ADARB2: variants seen among roughly 807,000 people sequenced by gnomAD.
ADARB2 encodes adenosine deaminase RNA specific B2 (inactive).
In ADARB2, 25 loss-of-function variants were observed where a neutral mutation model predicts 62.2. The ratio of observed to expected loss-of-function variants is 0.40; its 90% CI spans 0.29 to 0.56. ADARB2 has a LOEUF of 0.56. Ranked by LOEUF, ADARB2 falls within the 20% of genes least tolerant of loss-of-function variation. The pLI is 0.43. For missense variants in ADARB2, 1,071 were observed against 1,077.4 expected (o/e 0.99, Z 0.08); for synonymous variants, 572 against 500.8 (o/e 1.14, Z -1.90).
intron 1 of ADARB2, among the ~76,000 whole-genome samples, chr10:1,619,094 G>C (rs1046548374): frequency 3.9e-5 from 6 of 152,164 alleles, no homozygotes; most frequent in African/African-American, 1.4e-4. Flanking sequence ...GATTGAGAAG[G>C]CGAGAGACAT....
intron 1 of ADARB2, among the ~76,000 whole-genome samples, chr10:1,577,945 A>C (rs912086255): frequency 5.9e-5 from 9 of 152,190 alleles, no homozygotes; most frequent in African/African-American, 2.2e-4. Flanking sequence ...GGACACAGGG[A>C]GAAGACAGTG....
chr10:1,209,513 A>G lies in ADARB2; in HGVS notation c.1682+7438T>C, dbSNP rs796606906. 5.4e-3 allele frequency among the ~76,000 whole-genome samples: 626 copies of G among 116,894 alleles called. 3 individuals are homozygous for G. The highest frequency in any genetic ancestry group is 0.018 in the African/African-American group (566 of 31,892). 76.7% of individuals were successfully genotyped at this position (116,894 alleles called of 152,430 possible). ...CACTGTCGCCCATGCCTACACTGTC[A>G]CCCATGCCCACACCTACAGCCTCGC... On this transcript the variant is annotated intron_variant, in intron 7 of 9. Coordinates refer to ENST00000381312, the MANE Select transcript of ADARB2 (RefSeq NM_018702.4).
At chr10:1,355,828 A>G (rs1263387166) in intron 3 of ADARB2, among the ~76,000 whole-genome samples, 1 of 152,252 alleles carries the variant, frequency 6.6e-6, no homozygotes, top group Non-Finnish European at 1.5e-5. Context: ...TTGCATGTAC[A>G]TTGCATAATG....
chr10:1,193,719 T>C (rs1836871855), intron 8 of ADARB2, among the ~76,000 whole-genome samples: 1 of 152,246 alleles, frequency 6.6e-6, no homozygotes, highest in African/African-American at 2.4e-5. Context: ...TTTTTCTTGA[T>C]ATCAGATCGT....
chr10:1,310,937 A>G (rs1831684239), intron 3 of ADARB2, among the ~76,000 whole-genome samples: 1 of 152,240 alleles, frequency 6.6e-6, no homozygotes, highest in Admixed American at 6.5e-5. Context: ...TTTCAACTTA[A>G]TAGCTAAAAT....
chr10:1,653,457 A>T (rs755641264), intron 1 of ADARB2, among the ~76,000 whole-genome samples: 22 of 140,924 alleles, frequency 1.6e-4, no homozygotes, highest in Admixed American at 5.1e-4. Flanking sequence ...GGGCCCAGGA[A>T]TGTGCCCACT....
At chr10:1,513,182 C>T (rs1230775751) in intron 1 of ADARB2, among the ~76,000 whole-genome samples, 1 of 152,162 alleles carries the variant, frequency 6.6e-6, no homozygotes, top group Admixed American at 6.5e-5. Context: ...GTGTTGTACA[C>T]CTTAGATATA....
chr10:1,501,031 C>G (rs542790218), intron 1 of ADARB2, among the ~76,000 whole-genome samples: 1 of 152,252 alleles, frequency 6.6e-6, no homozygotes, highest in African/African-American at 2.4e-5. Context: ...TGCACCACCA[C>G]GCCCAGCTAA....
Position 1,712,415 on chromosome 10 carries a change from T to C in ADARB2, c.100+24636A>G, listed in dbSNP as rs191309318. Among the ~76,000 whole-genome samples, 392 of 152,242 alleles carry C rather than the reference T, an allele frequency of 2.6e-3. 1 individual carries two copies. The highest frequency in any genetic ancestry group is 6.8e-3 in the Middle Eastern group (2 of 294). On this transcript the variant is annotated intron_variant, in intron 1 of 9. Transcript: ENST00000381312. Reference sequence around the variant, plus strand: ...CAAAGGTAAGAAGTTATGAGGTGTATTGCAGAATATACTGCTTTTTTTTTT... The same window carrying C: ...CAAAGGTAAGAAGTTATGAGGTGTACTGCAGAATATACTGCTTTTTTTTTT...
chr10:1,727,778 AGAAGCTCAG>A (rs1175960901), intron 1 of ADARB2, among the ~76,000 whole-genome samples: 1 of 152,198 alleles, frequency 6.6e-6, no homozygotes, highest in Non-Finnish European at 1.5e-5. Context: ...CATAAACAAT[AGAAGCTCAG>A]GAGGAAGGGC....
intron 1 of ADARB2, among the ~76,000 whole-genome samples, chr10:1,437,579 A>G (rs1409390486): frequency 6.6e-6 from 1 of 152,122 alleles, no homozygotes; most frequent in Non-Finnish European, 1.5e-5. Context: ...GCCCTAAGAG[A>G]GTTGAGTGAC....
chr10:1,689,402 C>A (rs1834639928), intron 1 of ADARB2, among the ~76,000 whole-genome samples: 1 of 152,166 alleles, frequency 6.6e-6, no homozygotes, highest in Non-Finnish European at 1.5e-5. Context: ...CTTGGTCCTG[C>A]CAACCTGACT....
intron 5 of ADARB2, among the ~76,000 whole-genome samples, chr10:1,235,095 C>T (rs1179771336): frequency 6.6e-6 from 1 of 152,012 alleles, no homozygotes; most frequent in Non-Finnish European, 1.5e-5. Context: ...TGTTCGCCCA[C>T]ATCTATCTGT....
intron 4 of ADARB2, among the ~76,000 whole-genome samples, chr10:1,242,755 T>A (rs1379317027): frequency 6.6e-6 from 1 of 152,096 alleles, no homozygotes; most frequent in East Asian, 1.9e-4. Context: ...GATGAACCCT[T>A]CACCCTAACA....
intron 3 of ADARB2, among the ~76,000 whole-genome samples, chr10:1,337,134 A>G (rs1351562907): frequency 6.6e-6 from 1 of 151,722 alleles, no homozygotes; most frequent in Admixed American, 6.6e-5. Flanking sequence ...AAGGTCACTT[A>G]ATTACTAGGG....
intron 6 of ADARB2, among the ~76,000 whole-genome samples, chr10:1,231,550 G>A (rs956931393): frequency 2.4e-4 from 36 of 152,220 alleles, no homozygotes; most frequent in African/African-American, 7.9e-4. Flanking sequence ...CTCTGGGGAG[G>A]GCTGTGTCCA....
chr10:1,417,594 A>T (rs2131882936), intron 1 of ADARB2, among the ~76,000 whole-genome samples: 1 of 152,338 alleles, frequency 6.6e-6, no homozygotes, highest in Middle Eastern at 3.4e-3. Flanking sequence ...TGGAGTTTGC[A>T]CCGTTTGCCT....
intron 8 of ADARB2, among the ~76,000 whole-genome samples, chr10:1,189,586 G>C (rs866559458): frequency 1.3e-5 from 2 of 152,062 alleles, no homozygotes; most frequent in Admixed American, 1.3e-4. Context: ...AGTGGGCATC[G>C]GCTGATTGAA....
At chr10:1,246,968 T>A (rs959697627) in intron 4 of ADARB2, among the ~76,000 whole-genome samples, 19 of 152,168 alleles carry the variant, frequency 1.2e-4, no homozygotes, top group Non-Finnish European at 2.9e-5. Context: ...CCCATGAGCA[T>A]GGAATGTTCT....
Sources: gnomAD v4.1 joint callset for allele counts (sites outside exome capture counted in the v4.1 genomes callset) on GRCh38, gnomAD v4.1.1 for gene constraint, MANE v1.5 for transcripts, NCBI Gene and HGNC (gene_info 2026-07-23, HGNC 2026-07-21) for gene names.